Variants in GABRA3 observed in about 807,000 individuals in gnomAD.
The protein encoded by GABRA3 is gamma-aminobutyric acid receptor subunit alpha-3.
In GABRA3, 10 loss-of-function variants were observed where a neutral mutation model predicts 30.1. That is an observed-to-expected ratio of 0.33 (90% CI 0.20 to 0.56). The LOEUF is 0.56. GABRA3 is among the 20% of genes least tolerant of loss of function. The pLI is 0.89. For synonymous variants in GABRA3, 151 were observed against 146.8 expected (o/e 1.03, Z -0.21); for missense variants, 233 against 392.0 (o/e 0.59, Z 3.42).
intron 1 of GABRA3, among the ~76,000 whole-genome samples, chrX:152,424,327 T>C (rs1315292968): frequency 9.1e-6 from 1 of 109,847 alleles, no homozygotes; most frequent in Non-Finnish European, 1.9e-5. Context: ...TTATTTCTCT[T>C]CACATTGTTC....
intron 1 of GABRA3, among the ~76,000 whole-genome samples, chrX:152,399,698 T>C (rs953117026): frequency 1.8e-5 from 2 of 112,029 alleles, no homozygotes; most frequent in Non-Finnish European, 1.9e-5. Flanking sequence ...GAGAGAGCTT[T>C]CTGATTGCTA....
chrX:152,261,934 G>C (rs1392874349), intron 4 of GABRA3, among the ~76,000 whole-genome samples: 1 of 112,646 alleles, frequency 8.9e-6, no homozygotes, highest in Non-Finnish European at 1.9e-5. Context: ...CTTTTGCCTG[G>C]ACATCCAGGA....
At chrX:152,440,736 C>T (rs1165946676) in intron 1 of GABRA3, among the ~76,000 whole-genome samples, 1 of 111,448 alleles carries the variant, frequency 9.0e-6, no homozygotes, top group Non-Finnish European at 1.9e-5. Context: ...AGCTGGAAAC[C>T]ATCATTCTCA....
Position 152,419,058 on chromosome X carries a change from G to A in GABRA3, c.-27+32088C>T, listed in dbSNP as rs1602719837. ...CCGCAAGGACAAAAAACCAAACACC[G>A]CATGCTCTCACTCATAGGTGGGAAT... On this transcript the variant is annotated intron_variant, in intron 1 of 9. Coordinates refer to ENST00000370314, the MANE Select transcript of GABRA3 (RefSeq NM_000808.4). 8.2e-5 allele frequency among the ~76,000 whole-genome samples: 9 copies of A among 110,380 alleles called. 1 individual carries two copies. The highest frequency in any genetic ancestry group is 6.6e-5 in the African/African-American group (2 of 30,344).
intron 1 of GABRA3, among the ~76,000 whole-genome samples, chrX:152,401,650 T>C (rs1403112192): frequency 6.3e-5 from 7 of 111,977 alleles, no homozygotes; most frequent in Non-Finnish European, 1.1e-4. Flanking sequence ...CTGGAAGAAC[T>C]TTCTATGATG....
At chrX:152,215,801 G>A (rs1349821929) in intron 6 of GABRA3, among the ~76,000 whole-genome samples, 2 of 111,504 alleles carry the variant, frequency 1.8e-5, no homozygotes, top group Non-Finnish European at 3.8e-5. Flanking sequence ...AATCAACAGA[G>A]TGAACAGAAA....
chrX:152,199,320 C>A (rs1398448348), intron 7 of GABRA3, among the ~76,000 whole-genome samples: 1 of 103,412 alleles, frequency 9.7e-6, no homozygotes, highest in African/African-American at 3.4e-5. Flanking sequence ...GAGCCAAGGT[C>A]GTGCCACTGC....
intron 3 of GABRA3, among the ~76,000 whole-genome samples, chrX:152,305,490 C>G (rs1376970453): frequency 9.0e-6 from 1 of 110,987 alleles, no homozygotes; most frequent in East Asian, 2.8e-4. Context: ...AACCCCCTGA[C>G]ACACATATTT....
At chrX:152,341,717 T>G (rs1412152453) in intron 3 of GABRA3, among the ~76,000 whole-genome samples, 1 of 108,044 alleles carries the variant, frequency 9.3e-6, no homozygotes, top group Non-Finnish European at 1.9e-5. Context: ...TTTTTTTGTA[T>G]TTTTCGTAGA....
intron 1 of GABRA3, among the ~76,000 whole-genome samples, chrX:152,371,474 T>C (rs1159423437): frequency 1.8e-5 from 2 of 111,237 alleles, no homozygotes; most frequent in African/African-American, 3.3e-5. Flanking sequence ...TCCTGTCTCC[T>C]GGTCAAATGT....
In GABRA3 at chrX:152,371,442, C is replaced by T. The variant is rs1025333486; in HGVS notation, c.-26-6846G>A. 5.4e-5 allele frequency among the ~76,000 whole-genome samples: 6 copies of T among 111,075 alleles called. No homozygotes were observed. The Admixed American group carries it at 5.8e-4, about 11-fold the overall frequency. ...TGCTCCTATCTAATGCAAGCACCCC[C>T]ACATGTGTCCTGGATCCCATTTCCT... is the stretch of plus-strand genomic sequence containing the variant. On this transcript the variant is annotated intron_variant, in intron 1 of 9. Coordinates refer to ENST00000370314, the MANE Select transcript of GABRA3 (RefSeq NM_000808.4).
chrX:152,431,983 G>T (rs915956562), intron 1 of GABRA3, among the ~76,000 whole-genome samples: 1 of 112,179 alleles, frequency 8.9e-6, no homozygotes, highest in African/African-American at 3.2e-5. Flanking sequence ...CAGTCACTAA[G>T]TTTGTGGTAA....
Position 152,168,038 on chromosome X carries a change from A to G in GABRA3, c.*190T>C. The G allele has an allele frequency of 2.3e-6, 1 of 443,106 alleles. No individual in the cohort carries two copies. Among genetic ancestry groups the G allele is most frequent in the South Asian group, 3.4e-5 (1 of 29,215 alleles). The allele number at this position is 443,106 out of a possible 1,213,427, so 36.5% of individuals were successfully genotyped here. A position where few individuals can be genotyped will look rare whatever the true frequency, so the allele number is the denominator to read the frequency against. ...CTTTGATGGGGTTATACTGGGCAAT[A>G]TTGGAGGGACAAGTAATTTTTCTGT... On this transcript the variant is annotated 3_prime_UTR_variant, in exon 10 of 10. Coordinates refer to ENST00000370314, the MANE Select transcript of GABRA3 (RefSeq NM_000808.4).
chrX:152,226,849 G>T (rs1234618873), intron 5 of GABRA3, among the ~76,000 whole-genome samples: 3 of 111,938 alleles, frequency 2.7e-5, no homozygotes, highest in African/African-American at 9.7e-5. Flanking sequence ...TCTCACACCA[G>T]TTAGAATGGC....
intron 9 of GABRA3, among the ~76,000 whole-genome samples, chrX:152,177,566 GAA>G (rs72056570): frequency 0.26 from 24,734 of 95,478 alleles, 2,270 homozygotes; most frequent in Admixed American, 0.31. Flanking sequence ...CTGTTTTTCT[GAA>G]AAAAAAAAAA....
chrX:152,289,028 C>T (rs993258914), intron 3 of GABRA3, among the ~76,000 whole-genome samples: 4 of 109,303 alleles, frequency 3.7e-5, no homozygotes, highest in African/African-American at 1.3e-4. Context: ...ATTACACACA[C>T]CCTTAAACCT....
At chrX:152,223,779 C>T (rs1164058552) in intron 6 of GABRA3, among the ~76,000 whole-genome samples, 1 of 110,410 alleles carries the variant, frequency 9.1e-6, no homozygotes, top group Non-Finnish European at 1.9e-5. Flanking sequence ...AATCCTCCAC[C>T]TAGGCATGGA....
chrX:152,303,672 GA>G (rs1279924402), intron 3 of GABRA3, among the ~76,000 whole-genome samples: 1 of 111,394 alleles, frequency 9.0e-6, no homozygotes, highest in Non-Finnish European at 1.9e-5. Context: ...GGATATGGAT[GA>G]AGCTGGAAAC....
chrX:152,361,005 C>A (rs1301927676), intron 2 of GABRA3, among the ~76,000 whole-genome samples: 65 of 105,418 alleles, frequency 6.2e-4, no homozygotes, highest in Non-Finnish European at 3.5e-4. Flanking sequence ...ATCATGTGAG[C>A]CCAGGAGTTT....
Sources: allele counts gnomAD v4.1 joint callset (sites outside exome capture counted in the v4.1 genomes callset), GRCh38; gene constraint gnomAD v4.1.1; transcripts MANE v1.5; gene names NCBI Gene and HGNC (gene_info 2026-07-23, HGNC 2026-07-21).